PPP2R3A: variants seen among roughly 807,000 people sequenced by gnomAD.
PPP2R3A encodes the protein protein phosphatase 2 regulatory subunit B''alpha.
PPP2R3A carries 80 observed loss-of-function variants against 106.9 expected under a neutral mutation model. The observed-to-expected ratio is 0.75, with a 90% CI of 0.62 to 0.90. The LOEUF (loss-of-function observed/expected upper bound fraction) is 0.90. Ranked by LOEUF, PPP2R3A falls within the 40% of genes least tolerant of loss-of-function variation. The pLI is 0.00. For synonymous variants in PPP2R3A, 483 were observed against 468.3 expected (o/e 1.03, Z -0.41); for missense variants, 1,386 against 1,350.4 (o/e 1.03, Z -0.41).
intron 13 of PPP2R3A, among the ~76,000 whole-genome samples, chr3:136,144,618 G>T (rs1939028847): frequency 1.3e-5 from 2 of 151,436 alleles, no homozygotes; most frequent in South Asian, 4.2e-4. Context: ...CCAAGATCGT[G>T]CCACTTCACT....
chr3:136,141,223 T>G (rs1180067112), intron 13 of PPP2R3A, among the ~76,000 whole-genome samples: 1 of 152,178 alleles, frequency 6.6e-6, no homozygotes, highest in Non-Finnish European at 1.5e-5. Flanking sequence ...AAGAATTTTC[T>G]GAGTAGTTGA....
At chr3:135,982,697 G>C (rs953832460) in intron 1 of PPP2R3A, among the ~76,000 whole-genome samples, 1 of 152,050 alleles carries the variant, frequency 6.6e-6, no homozygotes, top group Non-Finnish European at 1.5e-5. Flanking sequence ...CTCCCCTTTG[G>C]ATTCTTGAAG....
At chr3:135,965,937 C>A in intron 1 of PPP2R3A, 88 bp downstream of exon 1, 1 of 130,192 alleles carries the variant, frequency 7.7e-6, no homozygotes, top group Non-Finnish European at 1.6e-5. Context: ...GGGCGGCGCG[C>A]GGAGGCCGGG....
At chr3:136,107,824 A>T (rs143585805) in intron 13 of PPP2R3A, among the ~76,000 whole-genome samples, 2 of 152,284 alleles carry the variant, frequency 1.3e-5, no homozygotes, top group East Asian at 3.9e-4. Context: ...TGGATTCACA[A>T]GCATGATTTA....
At chr3:136,037,699 G>A (rs1935134636) in intron 3 of PPP2R3A, among the ~76,000 whole-genome samples, 1 of 152,206 alleles carries the variant, frequency 6.6e-6, no homozygotes, top group Admixed American at 6.5e-5. Context: ...ATCTTTAAAT[G>A]TTGAAAGAAG....
chr3:135,999,796 T>C (rs1038518311), intron 1 of PPP2R3A, among the ~76,000 whole-genome samples: 21 of 152,094 alleles, frequency 1.4e-4, no homozygotes, highest in African/African-American at 4.6e-4. Context: ...TTTTCTGAGA[T>C]GGAGTCTCGC....
chr3:136,003,902 A>C (rs1445549362), intron 2 of PPP2R3A, among the ~76,000 whole-genome samples: 1 of 152,226 alleles, frequency 6.6e-6, no homozygotes, highest in Non-Finnish European at 1.5e-5. Flanking sequence ...GCCAACCAAG[A>C]GACCAGTTGT....
chr3:135,985,007 C>T (rs901345213), intron 1 of PPP2R3A, among the ~76,000 whole-genome samples: 29 of 152,130 alleles, frequency 1.9e-4, no homozygotes, highest in African/African-American at 5.8e-4. Context: ...AAAGACCTGC[C>T]CCCATGATTC....
intron 1 of PPP2R3A, among the ~76,000 whole-genome samples, chr3:135,991,845 AAGTT>A (rs1933177788): frequency 6.6e-6 from 1 of 152,058 alleles, no homozygotes; most frequent in South Asian, 2.1e-4. Context: ...GTAAAAATAA[AAGTT>A]AGTTTTTAAG....
At chr3:136,088,861 C>T (rs1937023738) in intron 9 of PPP2R3A, among the ~76,000 whole-genome samples, 1 of 152,062 alleles carries the variant, frequency 6.6e-6, no homozygotes, top group Non-Finnish European at 1.5e-5. Flanking sequence ...GAGATTGTTT[C>T]ATGTTTGTTG....
chr3:136,004,928 C>T (rs1438100799), intron 2 of PPP2R3A, among the ~76,000 whole-genome samples: 2 of 151,968 alleles, frequency 1.3e-5, no homozygotes, highest in Non-Finnish European at 2.9e-5. Flanking sequence ...ATTTATGTGG[C>T]CAAGTTAAAA....
chr3:136,099,983 T>C (rs910254807), intron 10 of PPP2R3A, among the ~76,000 whole-genome samples: 4 of 149,592 alleles, frequency 2.7e-5, no homozygotes, highest in African/African-American at 7.4e-5. Context: ...TTTCAAGGAC[T>C]GAAGGATTCA....
rs558460054 is a variant in PPP2R3A, at chr3:136,044,805, G to C, written c.2366+3843G>C. On this transcript the variant is annotated intron_variant, in intron 4 of 13. Coordinates refer to ENST00000264977, the MANE Select transcript of PPP2R3A (RefSeq NM_002718.5). ...TGGGCTCTGAATGGCTCCTAAGGAA[G>C]GGGTGAAAGAAGTAACTGCAGAGCA... Among the ~76,000 whole-genome samples, 5 of 152,276 alleles carry C rather than the reference G, an allele frequency of 3.3e-5. No homozygotes were observed. The South Asian group carries it at 1.0e-3, about 32-fold the overall frequency.
At chr3:135,984,552 G>A (rs1396391329) in intron 1 of PPP2R3A, among the ~76,000 whole-genome samples, 7 of 152,078 alleles carry the variant, frequency 4.6e-5, no homozygotes, top group Admixed American at 2.0e-4. Context: ...GATCATGGGG[G>A]CAGTTTCCCC....
chr3:136,084,822 G>C (rs767045228), intron 8 of PPP2R3A, among the ~76,000 whole-genome samples: 3 of 152,232 alleles, frequency 2.0e-5, no homozygotes, highest in Non-Finnish European at 2.9e-5. Context: ...TTGGATTTCA[G>C]ACTTGCATCG....
At chr3:136,029,188 G>A (rs1238980878) in intron 3 of PPP2R3A, among the ~76,000 whole-genome samples, 1 of 152,176 alleles carries the variant, frequency 6.6e-6, no homozygotes, top group Non-Finnish European at 1.5e-5. Flanking sequence ...AGGTTTCATG[G>A]ATTGCCTCAG....
At chr3:135,989,916 T>G (rs971573599) in intron 1 of PPP2R3A, among the ~76,000 whole-genome samples, 1 of 152,194 alleles carries the variant, frequency 6.6e-6, no homozygotes, top group Non-Finnish European at 1.5e-5. Flanking sequence ...TTTATGTGTA[T>G]ATGTATATTT....
chr3:136,046,581 TA>T (rs1163259386), intron 4 of PPP2R3A, among the ~76,000 whole-genome samples: 1 of 151,420 alleles, frequency 6.6e-6, no homozygotes, highest in Non-Finnish European at 1.5e-5. Context: ...GGAAATAAAG[TA>T]AAAACAAAAA....
chr3:136,009,319 A>C (rs1384682691), intron 2 of PPP2R3A, among the ~76,000 whole-genome samples: 1 of 151,914 alleles, frequency 6.6e-6, no homozygotes, highest in East Asian at 1.9e-4. Context: ...GCCCCGCCCC[A>C]ACTTTGAACT....
Sources: gnomAD v4.1 joint callset for allele counts (sites outside exome capture counted in the v4.1 genomes callset) on GRCh38, gnomAD v4.1.1 for gene constraint, MANE v1.5 for transcripts, NCBI Gene and HGNC (gene_info 2026-07-23, HGNC 2026-07-21) for gene names.